Variants in ABCA13 observed in about 807,000 individuals in gnomAD.
The protein encoded by ABCA13 is ATP-binding cassette sub-family A member 13.
Under a neutral mutation model 478.7 loss-of-function variants are expected in ABCA13, and 476 were observed. That is an observed-to-expected ratio of 0.99 (90% CI 0.92 to 1.07). The LOEUF is 1.07. Among genes scored for constraint, ABCA13 ranks in the 50% least tolerant of loss-of-function variants. The pLI is 0.00. For missense variants in ABCA13, 6,060 were observed against 5,910.6 expected (o/e 1.03, Z -0.83); for synonymous variants, 2,252 against 2,158.9 (o/e 1.04, Z -1.20).
At chr7:48,283,521 G>A (rs553383787) in intron 19 of ABCA13, among the ~76,000 whole-genome samples, 1 of 152,182 alleles carries the variant, frequency 6.6e-6, no homozygotes, top group East Asian at 1.9e-4. Flanking sequence ...TCTTCCCAGG[G>A]TTTAGGAAAC....
intron 42 of ABCA13, among the ~76,000 whole-genome samples, chr7:48,450,325 A>T (rs927988592): frequency 6.6e-6 from 1 of 152,206 alleles, no homozygotes; most frequent in African/African-American, 2.4e-5. Context: ...AGTCTTTACA[A>T]AGTAATTTAT....
At chr7:48,338,511 G>T in intron 29 of ABCA13, 56 bp downstream of exon 29, 1 of 1,418,544 alleles carries the variant, frequency 7.0e-7, no homozygotes, top group South Asian at 1.4e-5. Flanking sequence ...TCTGCCACTT[G>T]GGTGGGTCCT....
intron 57 of ABCA13, among the ~76,000 whole-genome samples, chr7:48,590,597 C>T (rs1180959780): frequency 6.6e-6 from 1 of 152,070 alleles, no homozygotes; most frequent in Admixed American, 6.6e-5. Context: ...TTTACATTTC[C>T]ACCAATTGTG....
In ABCA13 at chr7:48,569,340, T is replaced by C. The variant is rs1787383087; in HGVS notation, c.14355-10884T>C. Among the ~76,000 whole-genome samples, 3 of 152,182 alleles carry C rather than the reference T, an allele frequency of 2.0e-5. No individual in the cohort carries two copies. In the South Asian group the frequency reaches 6.2e-4, roughly 31 times the overall value. ...GTTTTCATTCATCTCAAAGTATTTT[T>C]TCATTTTCCTTTTGATTTCTTCTTT... On this transcript the variant is annotated intron_variant, in intron 55 of 61. Coordinates refer to ENST00000435803, the MANE Select transcript of ABCA13 (RefSeq NM_152701.5).
chr7:48,410,977 C>CTCCTTCTTTCTT (rs1818944580), intron 40 of ABCA13, among the ~76,000 whole-genome samples: 1 of 104,642 alleles, frequency 9.6e-6, no homozygotes, highest in African/African-American at 3.6e-5. Flanking sequence ...AAATTCTTTT[C>CTCCTTCTTTCTT]TCTTTCTTTC....
intron 32 of ABCA13, among the ~76,000 whole-genome samples, chr7:48,368,673 G>A (rs1431973443): frequency 1.6e-5 from 2 of 122,770 alleles, no homozygotes; most frequent in Non-Finnish European, 3.3e-5. Flanking sequence ...CCCATGGTGT[G>A]TGTGTGTGTA....
intron 55 of ABCA13, among the ~76,000 whole-genome samples, chr7:48,550,171 G>A (rs1215733961): frequency 6.6e-6 from 1 of 151,746 alleles, no homozygotes; most frequent in Admixed American, 6.6e-5. Flanking sequence ...TCTGTCCTAT[G>A]CTTACCACAA....
chr7:48,375,897 A>G lies in ABCA13; in HGVS notation c.11204-544A>G, dbSNP rs1813404008. 2.0e-5 allele frequency among the ~76,000 whole-genome samples: 3 copies of G among 152,198 alleles called. No homozygotes were observed. The South Asian group carries it at 6.2e-4, about 31-fold the overall frequency. On this transcript the variant is annotated intron_variant, in intron 34 of 61. Coordinates refer to ENST00000435803, the MANE Select transcript of ABCA13 (RefSeq NM_152701.5). ...TCCAAGTACACAATGATTAAAATGT[A>G]TATTTTATTGAACTGTAGCCTGGTA...
At chr7:48,609,378 G>A (rs564632804) in intron 58 of ABCA13, among the ~76,000 whole-genome samples, 56 of 152,116 alleles carry the variant, frequency 3.7e-4, no homozygotes, top group Non-Finnish European at 6.8e-4. Flanking sequence ...ACTCACTGTC[G>A]ATGAAGAGTG....
At chr7:48,340,941 ACAC>A (rs1807064741) in intron 29 of ABCA13, among the ~76,000 whole-genome samples, 1 of 152,200 alleles carries the variant, frequency 6.6e-6, no homozygotes, top group African/African-American at 2.4e-5. Context: ...TCTAACTGAT[ACAC>A]CTACGGCAGT....
At chr7:48,173,737 T>C (rs1459798100) in intron 1 of ABCA13, among the ~76,000 whole-genome samples, 1 of 152,242 alleles carries the variant, frequency 6.6e-6, no homozygotes, top group African/African-American at 2.4e-5. Flanking sequence ...CTCTGTCACT[T>C]ACTAGTTTAC....
intron 36 of ABCA13, 35 bp from the exon 37 acceptor site, chr7:48,389,005 A>G (rs1161251966): frequency 1.9e-6 from 3 of 1,594,422 alleles, no homozygotes; most frequent in Admixed American, 3.6e-5. Flanking sequence ...GGGCTTTTGA[A>G]GTCTTTTCAC....
intron 5 of ABCA13, among the ~76,000 whole-genome samples, chr7:48,222,887 C>T (rs980873777): frequency 6.6e-5 from 10 of 152,058 alleles, no homozygotes; most frequent in African/African-American, 1.4e-4. Context: ...AAGCAGAGAC[C>T]GACGGTAGCC....
At position 48,352,075 on chromosome 7, in the gene ABCA13, G is replaced by GT. The variant is rs1809095365; in HGVS notation, c.10382-105dup. ...TCTGAGTCTGCAGGAGTGGAGGGCT[G>GT]TGAGTCTCAGGCTCCTGCAACTTTT... On this transcript the variant is annotated intron_variant, in intron 30 of 61. Coordinates refer to ENST00000435803, the MANE Select transcript of ABCA13 (RefSeq NM_152701.5). The GT allele has an allele frequency of 4.4e-6, 5 of 1,131,916 alleles. No homozygotes were observed. In the South Asian group the frequency reaches 5.2e-5, roughly 12 times the overall value. 70.1% of individuals were successfully genotyped at this position (1,131,916 alleles called of 1,614,324 possible).
chr7:48,446,137 T>A (rs1824266168), intron 42 of ABCA13, among the ~76,000 whole-genome samples: 1 of 152,140 alleles, frequency 6.6e-6, no homozygotes, highest in African/African-American at 2.4e-5. Context: ...AAAAATCACC[T>A]GGGTACTTAG....
intron 42 of ABCA13, among the ~76,000 whole-genome samples, chr7:48,432,954 A>G (rs1822342794): frequency 6.6e-6 from 1 of 152,082 alleles, no homozygotes; most frequent in African/African-American, 2.4e-5. Context: ...CTCTAAAAGA[A>G]TAGATGAGTT....
intron 57 of ABCA13, among the ~76,000 whole-genome samples, chr7:48,588,703 A>G (rs1350509010): frequency 6.6e-6 from 1 of 152,226 alleles, no homozygotes; most frequent in African/African-American, 2.4e-5. Flanking sequence ...AAAATAAACT[A>G]CATTAAGCAT....
In ABCA13 at chr7:48,615,366, C is replaced by T. The variant is rs1292190783; in HGVS notation, c.14826C>T (p.His4942=). 10 of 1,567,300 alleles carry T rather than the reference C, an allele frequency of 6.4e-6. No homozygotes were observed. The highest frequency in any genetic ancestry group is 2.3e-5 in the East Asian group (1 of 42,740). The part of the protein sequence containing the change: ...GSFKCLGSPQ[H]IKNRFGDGYT... Reference sequence around the variant, plus strand: ...TCAAATGTCTTGGTTCTCCTCAGCACATCAAAAATAGGTGCGTTGAAGTTC... The same window carrying T: ...TCAAATGTCTTGGTTCTCCTCAGCATATCAAAAATAGGTGCGTTGAAGTTC... The change falls in exon 59 of 62, where the codon CAC becomes CAT. Residue 4942 remains histidine (H), a synonymous_variant. Transcript: ENST00000435803.
chr7:48,397,936 T>C (rs907990471), intron 38 of ABCA13, among the ~76,000 whole-genome samples: 1 of 152,226 alleles, frequency 6.6e-6, no homozygotes, highest in Admixed American at 6.5e-5. Flanking sequence ...ATTATTGTCA[T>C]AATCTCTACT....
Sources: gnomAD v4.1 joint callset for allele counts (sites outside exome capture counted in the v4.1 genomes callset) on GRCh38, gnomAD v4.1.1 for gene constraint, MANE v1.5 for transcripts, NCBI Gene and HGNC (gene_info 2026-07-23, HGNC 2026-07-21) for gene names.